Variants in ARNT2 observed in about 807,000 individuals in gnomAD.
The protein encoded by ARNT2 is ARNT protein 2.
Under a neutral mutation model 91.7 loss-of-function variants are expected in ARNT2, and 36 were observed. The ratio of observed to expected loss-of-function variants is 0.39; its 90% CI spans 0.30 to 0.52. The LOEUF is 0.52. ARNT2 is among the 20% of genes least tolerant of loss of function. The probability of loss-of-function intolerance (pLI) is 0.72; values close to 1 mark genes in which losing one functional copy is unlikely to be tolerated. For missense variants in ARNT2, 775 were observed against 939.3 expected, an observed-to-expected ratio of 0.83 and a Z score of 2.29; for synonymous variants, 365 against 347.1, an observed-to-expected ratio of 1.05 and a Z score of -0.57.
intron 5 of ARNT2, among the ~76,000 whole-genome samples, chr15:80,503,676 G>A (rs1897230625): frequency 6.6e-6 from 1 of 152,194 alleles, no homozygotes; most frequent in African/African-American, 2.4e-5. Context: ...GATGCCGTCT[G>A]TGAAGGAGAC....
intron 5 of ARNT2, among the ~76,000 whole-genome samples, chr15:80,503,750 G>A (rs1897232187): frequency 6.6e-6 from 1 of 152,232 alleles, no homozygotes; most frequent in Non-Finnish European, 1.5e-5. Context: ...GACCTCCCCT[G>A]CACAGGCTGC....
At chr15:80,443,551 C>T (rs1337152895) in intron 1 of ARNT2, among the ~76,000 whole-genome samples, 4 of 151,960 alleles carry the variant, frequency 2.6e-5, no homozygotes, top group Admixed American at 6.5e-5. Flanking sequence ...GAAGCAGCAG[C>T]GGAGGCAGCG....
At chr15:80,546,689 G>T (rs915276769) in intron 8 of ARNT2, among the ~76,000 whole-genome samples, 2 of 152,162 alleles carry the variant, frequency 1.3e-5, no homozygotes, top group Non-Finnish European at 2.9e-5. Context: ...CAATGGCTGG[G>T]CGCGGTGGCT....
chr15:80,583,481 C>A (rs1197283224), intron 17 of ARNT2, among the ~76,000 whole-genome samples: 1 of 152,238 alleles, frequency 6.6e-6, no homozygotes, highest in Non-Finnish European at 1.5e-5. Flanking sequence ...CAAGAACAGG[C>A]TCAACACAGA....
intron 11 of ARNT2, among the ~76,000 whole-genome samples, chr15:80,562,087 T>TC (rs893567144): frequency 1.8e-4 from 27 of 151,594 alleles, no homozygotes; most frequent in African/African-American, 6.5e-4. Flanking sequence ...TTCTTTTTTT[T>TC]TTTTTGAGAC....
chr15:80,413,621 T>C (rs1402185624), intron 1 of ARNT2, among the ~76,000 whole-genome samples: 1 of 152,218 alleles, frequency 6.6e-6, no homozygotes, highest in Non-Finnish European at 1.5e-5. Flanking sequence ...CAGGTGGAAC[T>C]AGGCATCTCT....
At chr15:80,491,582 T>G (rs1897056464) in intron 5 of ARNT2, among the ~76,000 whole-genome samples, 1 of 152,118 alleles carries the variant, frequency 6.6e-6, no homozygotes, top group African/African-American at 2.4e-5. Flanking sequence ...CATTATGCAC[T>G]TGGAATTTAC....
rs1356225957 is a variant in ARNT2 at position 80,593,711 on chromosome 15, T to C, written c.*13T>C. On this transcript the variant is annotated 3_prime_UTR_variant, in exon 19 of 19. Transcript: ENST00000303329. The stretch of plus-strand genomic sequence containing the variant: ...GTTTTCTGAGTAGCTGCGGCCAGAG[T>C]GAGGCTCCTGCTGTACAGTGCCACC... 4 of 1,589,406 alleles carry C rather than the reference T, an allele frequency of 2.5e-6. No individual in the cohort carries two copies. The highest frequency in any genetic ancestry group is 3.4e-6 in the Non-Finnish European group (4 of 1,164,486).
chr15:80,576,524 G>C (rs1484748646), intron 14 of ARNT2, among the ~76,000 whole-genome samples: 1 of 152,162 alleles, frequency 6.6e-6, no homozygotes, highest in Non-Finnish European at 1.5e-5. Context: ...TGATCCGCCT[G>C]CCTCAGCCTC....
intron 13 of ARNT2, 54 bp from the exon 14 acceptor site, chr15:80,574,933 T>C (rs1266065339): frequency 6.3e-7 from 1 of 1,583,978 alleles, no homozygotes; most frequent in East Asian, 2.3e-5. Context: ...TGGGGACGCA[T>C]GTTCTGTGCC....
At chr15:80,456,312 C>T (rs747583911) in intron 2 of ARNT2, among the ~76,000 whole-genome samples, 1 of 151,944 alleles carries the variant, frequency 6.6e-6, no homozygotes, top group South Asian at 2.1e-4. Context: ...TACCCCATCT[C>T]CTCTTCTTTT....
At chr15:80,482,019 C>A (rs1896899092) in intron 5 of ARNT2, among the ~76,000 whole-genome samples, 1 of 152,204 alleles carries the variant, frequency 6.6e-6, no homozygotes, top group African/African-American at 2.4e-5. Context: ...AGCATTTCTC[C>A]CACCTCAGCT....
intron 3 of ARNT2, 39 bp from the exon 4 acceptor site, chr15:80,470,179 C>G (rs1188404536): frequency 6.8e-7 from 1 of 1,478,618 alleles, no homozygotes; most frequent in South Asian, 1.2e-5. Flanking sequence ...TGATACTTCT[C>G]TTTTTTCCCC....
intron 8 of ARNT2, among the ~76,000 whole-genome samples, chr15:80,521,098 C>G (rs2141433656): frequency 6.6e-6 from 1 of 152,092 alleles, no homozygotes; most frequent in Non-Finnish European, 1.5e-5. Context: ...AGTTGTTGGC[C>G]AAAGATTTAT....
chr15:80,506,152 G>C (rs1897273291), intron 5 of ARNT2, among the ~76,000 whole-genome samples: 1 of 152,120 alleles, frequency 6.6e-6, no homozygotes, highest in African/African-American at 2.4e-5. Context: ...TAGCCAGGAT[G>C]GTCTCGATCT....
chr15:80,418,883 C>A (rs1278713592), intron 1 of ARNT2, among the ~76,000 whole-genome samples: 2 of 152,166 alleles, frequency 1.3e-5, no homozygotes, highest in Non-Finnish European at 2.9e-5. Context: ...CTCATTCATT[C>A]ATTCAATAAA....
At chr15:80,554,932 CA>C (rs1165204356) in intron 10 of ARNT2, 132 bp from the exon 11 acceptor site, 262 of 922,516 alleles carry the variant, frequency 2.8e-4, no homozygotes, top group Middle Eastern at 2.7e-3. Context: ...CTCACTTTTT[CA>C]AAAAATCTGG....
intron 1 of ARNT2, among the ~76,000 whole-genome samples, chr15:80,414,574 A>G (rs980011701): frequency 3.9e-5 from 6 of 152,222 alleles, no homozygotes; most frequent in Non-Finnish European, 5.9e-5. Context: ...TTTAAATGTG[A>G]AATAACAGAA....
chr15:80,544,949 A>G (rs958721169), intron 8 of ARNT2, among the ~76,000 whole-genome samples: 1 of 152,116 alleles, frequency 6.6e-6, no homozygotes, highest in African/African-American at 2.4e-5. Context: ...CTTCAAGGAG[A>G]TAGATAGACT....
Sources: gnomAD v4.1 joint callset for allele counts (sites outside exome capture counted in the v4.1 genomes callset) on GRCh38, gnomAD v4.1.1 for gene constraint, MANE v1.5 for transcripts, NCBI Gene and HGNC (gene_info 2026-07-23, HGNC 2026-07-21) for gene names.